The following CEMIP2 variants were observed in gnomAD, a reference collection of about 807,000 sequenced individuals.
The protein encoded by CEMIP2 is cell surface hyaluronidase CEMIP2.
Under a neutral mutation model 146.9 loss-of-function variants are expected in CEMIP2, and 79 were observed. That is an observed-to-expected ratio of 0.54 (90% CI 0.45 to 0.65). CEMIP2 has a LOEUF of 0.65. Among genes scored for constraint, CEMIP2 ranks in the 30% least tolerant of loss-of-function variants. The pLI is 0.00. For synonymous variants in CEMIP2, 601 were observed against 606.3 expected (o/e 0.99, Z 0.13); for missense variants, 1,596 against 1,696.2 (o/e 0.94, Z 1.04).
intron 4 of CEMIP2, 122 bp from the exon 5 acceptor site, chr9:71,740,354 T>C: frequency 8.3e-7 from 1 of 1,209,252 alleles, no homozygotes; most frequent in Admixed American, 2.3e-5. Context: ...ATCCCTAATG[T>C]TTTTTCTATA....
intron 5 of CEMIP2, 74 bp from the exon 6 acceptor site, chr9:71,735,068 C>A: frequency 2.7e-6 from 4 of 1,474,960 alleles, no homozygotes; most frequent in East Asian, 2.3e-5. Flanking sequence ...AATGAACCCT[C>A]ACACTGATTC....
At chr9:71,706,329 T>G (rs1326443145) in intron 17 of CEMIP2, among the ~76,000 whole-genome samples, 3 of 152,124 alleles carry the variant, frequency 2.0e-5, no homozygotes, top group Non-Finnish European at 4.4e-5. Flanking sequence ...TTGCTCCCAT[T>G]TTTGGCATAC....
At chr9:71,735,044 T>A in intron 5 of CEMIP2, 50 bp from the exon 6 acceptor site, 5 of 1,538,326 alleles carry the variant, frequency 3.3e-6, no homozygotes, top group Non-Finnish European at 3.5e-6. Context: ...TTAACAGTAT[T>A]TTTTTCTCTC....
At chr9:71,698,591 T>C (rs886615968) in intron 19 of CEMIP2, among the ~76,000 whole-genome samples, 2 of 96,450 alleles carry the variant, frequency 2.1e-5, no homozygotes, top group African/African-American at 7.4e-5. Context: ...TTTGTTGTTC[T>C]CATTCATAAA....
At chr9:71,720,132 G>C (rs1823190669) in intron 12 of CEMIP2, among the ~76,000 whole-genome samples, 1 of 152,176 alleles carries the variant, frequency 6.6e-6, no homozygotes, top group Non-Finnish European at 1.5e-5. Flanking sequence ...ATTGTCCTCT[G>C]CTTTAAATGT....
intron 12 of CEMIP2, among the ~76,000 whole-genome samples, chr9:71,722,146 A>G (rs989611654): frequency 2.6e-5 from 4 of 152,146 alleles, no homozygotes; most frequent in Non-Finnish European, 4.4e-5. Context: ...CTTTCTCAAC[A>G]TATCTCCTCT....
chr9:71,764,851 T>C (rs1479096985), intron 1 of CEMIP2, among the ~76,000 whole-genome samples: 1 of 151,914 alleles, frequency 6.6e-6, no homozygotes. Context: ...TATACCTCTT[T>C]ACAAATGGAG....
At chr9:71,765,594 G>C (rs1824766550) in intron 1 of CEMIP2, among the ~76,000 whole-genome samples, 1 of 152,140 alleles carries the variant, frequency 6.6e-6, no homozygotes, top group Non-Finnish European at 1.5e-5. Context: ...TATTTTGTCT[G>C]ATTTAACAAA....
chr9:71,764,384 G>A (rs1824725963), intron 1 of CEMIP2, among the ~76,000 whole-genome samples: 1 of 150,196 alleles, frequency 6.7e-6, no homozygotes, highest in Non-Finnish European at 1.5e-5. Context: ...TGCTAACAAA[G>A]CCAAACAGGA....
At chr9:71,769,458 A>G (rs1168629738), upstream of CEMIP2, among the ~76,000 whole-genome samples, 1 of 152,194 alleles carries the variant, frequency 6.6e-6, no homozygotes, top group African/African-American at 2.4e-5. Context: ...GGTCCCTTGG[A>G]GCAACCCCAG....
At chr9:71,702,261 GAAA>G (rs67059194) in intron 18 of CEMIP2, among the ~76,000 whole-genome samples, 1 of 106,128 alleles carries the variant, frequency 9.4e-6, no homozygotes, top group African/African-American at 3.5e-5. Flanking sequence ...TTGTCTCAAG[GAAA>G]AAAAAAAAAA....
chr9:71,728,193 T>TTCTCTCTCTCTCTCTCTCTC (rs369654117), intron 10 of CEMIP2, among the ~76,000 whole-genome samples: 4 of 29,610 alleles, frequency 1.4e-4, no homozygotes, highest in African/African-American at 5.6e-4. Flanking sequence ...CAGCGAAACC[T>TTCTCTCTCTCTCTCTCTCTC]TCTCTCTCTC....
intron 4 of CEMIP2, among the ~76,000 whole-genome samples, chr9:71,744,329 TG>T (rs2132003999): frequency 6.6e-6 from 1 of 152,236 alleles, no homozygotes; most frequent in South Asian, 2.1e-4. Context: ...GAGATACGAT[TG>T]TACCACTGCA....
intron 1 of CEMIP2, among the ~76,000 whole-genome samples, chr9:71,753,821 C>T (rs572173343): frequency 2.0e-5 from 3 of 152,148 alleles, no homozygotes; most frequent in Middle Eastern, 3.4e-3. Flanking sequence ...CTAAATTATT[C>T]GTGAAAAAAT....
At chr9:71,760,998 C>A (rs2132043106) in intron 1 of CEMIP2, among the ~76,000 whole-genome samples, 1 of 152,326 alleles carries the variant, frequency 6.6e-6, no homozygotes, top group Non-Finnish European at 1.5e-5. Context: ...CCTAGACCAT[C>A]CCCCTTCGCC....
chr9:71,749,329 C>A (rs1043932381), intron 2 of CEMIP2, among the ~76,000 whole-genome samples: 2 of 151,900 alleles, frequency 1.3e-5, no homozygotes, highest in African/African-American at 2.4e-5. Context: ...CCATTTCAAG[C>A]CACAAACACA....
intron 1 of CEMIP2, among the ~76,000 whole-genome samples, chr9:71,755,270 G>C (rs1168810106): frequency 6.7e-6 from 1 of 149,866 alleles, no homozygotes; most frequent in Non-Finnish European, 1.5e-5. Flanking sequence ...CAGTGCTTTG[G>C]GGGGTCAATA....
intron 10 of CEMIP2, 77 bp from the exon 11 acceptor site, chr9:71,725,786 T>C: frequency 6.9e-7 from 1 of 1,457,728 alleles, no homozygotes; most frequent in South Asian, 1.4e-5. Flanking sequence ...AACTAACTTC[T>C]TCATCAGCAA....
At chr9:71,757,785 C>T (rs758033081) in intron 1 of CEMIP2, among the ~76,000 whole-genome samples, 1 of 152,146 alleles carries the variant, frequency 6.6e-6, no homozygotes, top group Non-Finnish European at 1.5e-5. Flanking sequence ...AGGGTTAGGG[C>T]GTTTCATTTA....
Sources: allele counts gnomAD v4.1 joint callset (sites outside exome capture counted in the v4.1 genomes callset), GRCh38; gene constraint gnomAD v4.1.1; transcripts MANE v1.5; gene names NCBI Gene and HGNC (gene_info 2026-07-23, HGNC 2026-07-21).